CANX: variants seen among roughly 807,000 people sequenced by gnomAD.
CANX encodes the protein epididymis secretory sperm binding protein.
CANX carries 14 observed loss-of-function variants against 75.7 expected under a neutral mutation model. That is an observed-to-expected ratio of 0.19 (90% CI 0.12 to 0.29). The LOEUF is 0.29. CANX is among the 10% of genes least tolerant of loss of function. CANX has a pLI of 1.00. For synonymous variants in CANX, 227 were observed against 236.9 expected (o/e 0.96, Z 0.38); for missense variants, 567 against 713.2 (o/e 0.79, Z 2.34).
At chr5:179,717,905 G>A (rs190595613) in intron 8 of CANX, among the ~76,000 whole-genome samples, 2 of 151,776 alleles carry the variant, frequency 1.3e-5, no homozygotes, top group African/African-American at 2.4e-5. Context: ...TAGTAGACAC[G>A]GGGTTTTACC....
intron 7 of CANX, among the ~76,000 whole-genome samples, chr5:179,712,920 T>A (rs903207755): frequency 4.2e-4 from 63 of 150,128 alleles, no homozygotes; most frequent in Admixed American, 1.1e-3. Flanking sequence ...TATTATTTTT[T>A]TTTTTTTCCA....
chr5:179,710,565 G>A (rs576758324), intron 7 of CANX, among the ~76,000 whole-genome samples: 36 of 149,490 alleles, frequency 2.4e-4, no homozygotes, highest in Non-Finnish European at 3.7e-4. Flanking sequence ...AATATTAGCC[G>A]GGCGTGGTGG....
At chr5:179,699,153 G>A (rs1394808810) in intron 1 of CANX, 51 bp downstream of exon 1, 2 of 975,260 alleles carry the variant, frequency 2.1e-6, no homozygotes, top group Admixed American at 6.1e-5. Flanking sequence ...ACCTCGGGGG[G>A]CTGGGAGCGC....
intron 11 of CANX, 43 bp from the exon 12 acceptor site, chr5:179,723,617 G>A (rs1317914843): frequency 8.7e-6 from 14 of 1,605,376 alleles, no homozygotes; most frequent in African/African-American, 1.3e-5. Flanking sequence ...TATGTTTGGT[G>A]TCAAAAGCTG....
chr5:179,728,664 T>C lies in CANX; in HGVS notation c.*20T>C, dbSNP rs751157767. On this transcript the variant is annotated 3_prime_UTR_variant, in exon 15 of 15. Coordinates refer to ENST00000247461, the MANE Select transcript of CANX (RefSeq NM_001746.4). The stretch of plus-strand genomic sequence containing the variant: ...GAGTGAAACAATCTTAAGAGCTTGA[T>C]CTGTGATTTCTTCTCCCTCCTCCCC... 1.5e-5 allele frequency: 23 copies of C among 1,575,686 alleles called. No homozygotes were observed. Among genetic ancestry groups the C allele is most frequent in the Middle Eastern group, 3.3e-4 (2 of 6,010 alleles).
chr5:179,717,361 C>T (rs888193796), intron 8 of CANX, among the ~76,000 whole-genome samples: 5 of 152,166 alleles, frequency 3.3e-5, no homozygotes, highest in African/African-American at 1.2e-4. Context: ...ACCCATTAAG[C>T]GGCCACTCCC....
intron 1 of CANX, among the ~76,000 whole-genome samples, chr5:179,701,179 T>C (rs1776730987): frequency 6.6e-6 from 1 of 152,058 alleles, no homozygotes; most frequent in Non-Finnish European, 1.5e-5. Context: ...TGTGGTAGCT[T>C]TTGTCCCACT....
At chr5:179,678,680 G>A in exon 1 of CANX, 1 of 1,536,054 alleles carries the variant, frequency 6.5e-7, no homozygotes, top group Non-Finnish European at 8.7e-7. Flanking sequence ...CGCCGCAGCC[G>A]TCGGGATCAC....
chr5:179,694,279 A>G (rs1447315069), upstream of CANX: 10 of 503,938 alleles, frequency 2.0e-5, no homozygotes, highest in Non-Finnish European at 2.9e-5. Context: ...GAAGAATGTA[A>G]AAAGAAAAAC....
chr5:179,724,533 A>G (rs1778522111), intron 12 of CANX, 124 bp from the exon 13 acceptor site: 1 of 729,192 alleles, frequency 1.4e-6, no homozygotes, highest in Non-Finnish European at 2.4e-6. Flanking sequence ...ATTACATCCT[A>G]TTCGTTTCTG....
chr5:179,682,212 A>T (rs1429945015), intron 1 of CANX, among the ~76,000 whole-genome samples: 1 of 150,764 alleles, frequency 6.6e-6, no homozygotes, highest in Non-Finnish European at 1.5e-5. Flanking sequence ...AGATTGTGCC[A>T]CTGCACTCCA....
chr5:179,720,738 C>T (rs962916453), intron 10 of CANX, among the ~76,000 whole-genome samples, 178 bp downstream of exon 10: 1 of 152,096 alleles, frequency 6.6e-6, no homozygotes, highest in East Asian at 1.9e-4. Context: ...AAAGATAAAC[C>T]TAGAAACTGG....
At position 179,728,469 on chromosome 5, in the gene CANX, A is replaced by C. The variant is rs1040099529; in HGVS notation, c.1726-122A>C. 4.7e-6 allele frequency: 3 copies of C among 642,812 alleles called. No homozygotes were observed. In the South Asian group the frequency reaches 5.5e-5, roughly 12 times the overall value. 39.8% of individuals were successfully genotyped at this position (642,812 alleles called of 1,614,324 possible). ...ATTCTTCTTGGTGCATTTTCTTCTC[A>C]TCATTTTCCTCATTTTTTTCCTCAA... is the stretch of plus-strand genomic sequence containing the variant. On this transcript the variant is annotated intron_variant, in intron 14 of 14. Transcript: ENST00000247461.
chr5:179,694,871 G>A (rs1018438260), upstream of CANX: 22 of 381,860 alleles, frequency 5.8e-5, no homozygotes, highest in Middle Eastern at 2.5e-3. Flanking sequence ...AGGTAGGCAT[G>A]AGCAAGGATG....
intron 7 of CANX, among the ~76,000 whole-genome samples, chr5:179,713,703 A>G (rs1777730977): frequency 6.6e-6 from 1 of 152,082 alleles, no homozygotes; most frequent in African/African-American, 2.4e-5. Flanking sequence ...GGATCACTTG[A>G]GGCCAGGAGT....
At chr5:179,720,685 A>G (rs778089677) in intron 10 of CANX, 125 bp downstream of exon 10, 34 of 799,284 alleles carry the variant, frequency 4.3e-5, no homozygotes, top group Non-Finnish European at 7.1e-5. Context: ...AGCAGAAAGT[A>G]GACTTCCTAA....
At chr5:179,686,498 C>T (rs141178841) in intron 1 of CANX, among the ~76,000 whole-genome samples, 4 of 151,798 alleles carry the variant, frequency 2.6e-5, no homozygotes, top group South Asian at 2.1e-4. Flanking sequence ...TTTTGAGACA[C>T]GGTCTCACTG....
chr5:179,725,590 G>A (rs376720352), intron 13 of CANX, among the ~76,000 whole-genome samples: 1 of 149,704 alleles, frequency 6.7e-6, no homozygotes, highest in African/African-American at 2.5e-5. Context: ...TGAGGCAGGA[G>A]AATGGCGTGA....
At chr5:179,698,555 G>A (rs902274139), upstream of CANX, 4 of 1,289,448 alleles carry the variant, frequency 3.1e-6, no homozygotes, top group East Asian at 1.1e-4. Flanking sequence ...TGCCCCGTCA[G>A]CGAAGGGCGC....
Sources: gnomAD v4.1 joint callset for allele counts (sites outside exome capture counted in the v4.1 genomes callset) on GRCh38, gnomAD v4.1.1 for gene constraint, MANE v1.5 for transcripts, NCBI Gene and HGNC (gene_info 2026-07-23, HGNC 2026-07-21) for gene names.